The following PLEK2 variants were observed in gnomAD, a reference collection of about 807,000 sequenced individuals.
PLEK2 encodes pleckstrin 2, also known as pleckstrin-2.
PLEK2 carries 29 observed loss-of-function variants against 43.8 expected under a neutral mutation model. The ratio of observed to expected loss-of-function variants is 0.66; its 90% CI spans 0.49 to 0.90. The LOEUF is 0.90. Among genes scored for constraint, PLEK2 ranks in the 40% least tolerant of loss-of-function variants. The pLI is 0.00. For synonymous variants in PLEK2, 162 were observed against 173.2 expected, an observed-to-expected ratio of 0.94 and a Z score of 0.51; for missense variants, 398 against 448.1, an observed-to-expected ratio of 0.89 and a Z score of 1.01.
At chr14:67,402,978 T>A (rs1459378162) in intron 1 of PLEK2, among the ~76,000 whole-genome samples, 2 of 152,200 alleles carry the variant, frequency 1.3e-5, no homozygotes, top group Non-Finnish European at 2.9e-5. Context: ...CTATTTATAT[T>A]TTTTTGAGGA....
intron 1 of PLEK2, among the ~76,000 whole-genome samples, chr14:67,398,634 A>C (rs1052634346): frequency 2.6e-5 from 4 of 151,072 alleles, no homozygotes; most frequent in Admixed American, 2.0e-4. Context: ...CACCTAAACG[A>C]CCCTTCTCTT....
At chr14:67,408,359 A>AAAATAAAATAAAATAAAATAAAATAAAAT (rs1566632508) in intron 1 of PLEK2, among the ~76,000 whole-genome samples, 21 of 134,052 alleles carry the variant, frequency 1.6e-4, no homozygotes, top group African/African-American at 5.9e-4. Context: ...TAAAATAAAA[A>AAAATAAAATAAAATAAAATAAAATAAAAT]AAGAAAAAAC....
At chr14:67,411,425 C>T (rs1006983063) in intron 1 of PLEK2, among the ~76,000 whole-genome samples, 1 of 152,020 alleles carries the variant, frequency 6.6e-6, no homozygotes, top group Non-Finnish European at 1.5e-5. Context: ...CAGTACCCAC[C>T]GTGTATGGCA....
In PLEK2 at chr14:67,390,671, G is replaced by C. The variant is rs1428986406; in HGVS notation, c.847C>G (p.Pro283Ala). The C allele has an allele frequency of 6.2e-6, 10 of 1,609,844 alleles. No individual in the cohort carries two copies. The highest frequency in any genetic ancestry group is 8.5e-6 in the Non-Finnish European group (10 of 1,176,224). ...CCAGCATGCGCACTCACTTTGGAAG[G>C]GTCATAGTAATGCAGGAAAGCTGGA... ...KDPAFLHYYD[P>A]SKEENRPVGG... Residue 283 changes from proline to alanine, a missense_variant, in exon 7 of 9, where the codon CCT becomes GCT. Transcript: ENST00000216446.
At chr14:67,393,601 T>A (rs2085985537) in intron 3 of PLEK2, among the ~76,000 whole-genome samples, 1 of 151,932 alleles carries the variant, frequency 6.6e-6, no homozygotes, top group African/African-American at 2.4e-5. Context: ...TTACAGACAT[T>A]TGCCACCACA....
At chr14:67,391,297 G>T (rs2085966058) in intron 6 of PLEK2, among the ~76,000 whole-genome samples, 2 of 151,302 alleles carry the variant, frequency 1.3e-5, no homozygotes, top group South Asian at 4.2e-4. Context: ...GTGTGTGTGT[G>T]TGTGTGTGAC....
chr14:67,398,273 G>A (rs2086025273), intron 1 of PLEK2, among the ~76,000 whole-genome samples: 3 of 152,044 alleles, frequency 2.0e-5, no homozygotes, highest in Admixed American at 2.0e-4. Context: ...GAGACAGGCT[G>A]GAGTACAGTG....
Position 67,395,538 on chromosome 14 carries a change from C to G in PLEK2, c.253G>C (p.Glu85Gln), listed in dbSNP as rs754204859. Residue 85 changes from glutamate to glutamine, a missense_variant, in exon 3 of 9, where the codon GAG (glutamate) becomes CAG (glutamine). Coordinates refer to ENST00000216446, the MANE Select transcript of PLEK2 (RefSeq NM_016445.3). ...TCCCGCTCCTCTCGAGAACAGGCCT[C>G]CAGGAAGTACTCCGTGGATGTTTGA... ...KTQTSTEYFL[E>Q]ACSREERDAW... 2 of 1,614,028 alleles carry G rather than the reference C, an allele frequency of 1.2e-6. No homozygotes were observed. Among genetic ancestry groups the G allele is most frequent in the Admixed American group, 3.3e-5 (2 of 59,998 alleles).
intron 1 of PLEK2, among the ~76,000 whole-genome samples, chr14:67,404,403 G>A (rs1196035300): frequency 6.6e-6 from 1 of 151,590 alleles, no homozygotes; most frequent in Non-Finnish European, 1.5e-5. Flanking sequence ...CAGGAGGATT[G>A]CCCACGCCTA....
chr14:67,396,697 A>G (rs1173198690), intron 2 of PLEK2, among the ~76,000 whole-genome samples: 1 of 152,218 alleles, frequency 6.6e-6, no homozygotes, highest in Non-Finnish European at 1.5e-5. Context: ...CCACATCTCT[A>G]TTCCTGAAGC....
chr14:67,389,594 A>G (rs553101989), intron 7 of PLEK2, among the ~76,000 whole-genome samples: 1 of 152,188 alleles, frequency 6.6e-6, no homozygotes, highest in Non-Finnish European at 1.5e-5. Context: ...ATATATGTAT[A>G]TATGTATATT....
rs764473995 is a variant in PLEK2 at position 67,390,696 on chromosome 14, A to G, written c.822T>C (p.Asp274=). ...GGTCATAGTAATGCAGGAAAGCTGG[A>G]TCCTTCCTTAGAACAAAGCGACGCA... The part of the protein sequence containing the change: ...WKVRRFVLRK[D]PAFLHYYDPS... The change falls in exon 7 of 9, where the codon GAT becomes GAC. Residue 274 remains aspartate (D), a synonymous_variant. Coordinates refer to ENST00000216446, the MANE Select transcript of PLEK2 (RefSeq NM_016445.3). 18 of 1,613,704 alleles carry G rather than the reference A, an allele frequency of 1.1e-5. No individual in the cohort carries two copies. Among genetic ancestry groups the G allele is most frequent in the Non-Finnish European group, 1.4e-5 (16 of 1,179,740 alleles).
intron 1 of PLEK2, among the ~76,000 whole-genome samples, chr14:67,402,569 C>T (rs1211092412): frequency 6.6e-6 from 1 of 152,160 alleles, no homozygotes; most frequent in African/African-American, 2.4e-5. Context: ...CCCATCTCCC[C>T]GGCAGCCCCT....
chr14:67,399,366 A>G (rs1408519781), intron 1 of PLEK2, among the ~76,000 whole-genome samples: 1 of 147,846 alleles, frequency 6.8e-6, no homozygotes, highest in Non-Finnish European at 1.5e-5. Flanking sequence ...GGTGGTTCTC[A>G]GGTGGCAGGA....
Position 67,390,707 on chromosome 14 carries a change from G to A in PLEK2, c.811C>T (p.Leu271=), listed in dbSNP as rs1446217692. ...TGCAGGAAAGCTGGATCCTTCCTTA[G>A]AACAAAGCGACGCACCTTCCAGTTT... ...RKNWKVRRFV[L]RKDPAFLHYY... is the part of the protein sequence containing the mutation. Residue 271 remains leucine, a synonymous_variant, in exon 7 of 9, where the codon CTA becomes TTA. Coordinates refer to ENST00000216446, the MANE Select transcript of PLEK2 (RefSeq NM_016445.3). 1.9e-6 allele frequency: 3 copies of A among 1,613,790 alleles called. No homozygotes were observed. The highest frequency in any genetic ancestry group is 2.2e-5 in the East Asian group (1 of 44,882).
chr14:67,396,614 A>C (rs1299698673), intron 2 of PLEK2, among the ~76,000 whole-genome samples: 4 of 152,170 alleles, frequency 2.6e-5, no homozygotes, highest in Non-Finnish European at 5.9e-5. Flanking sequence ...CTCTGCATGC[A>C]TTCTCTTCTT....
In PLEK2 at chr14:67,392,745, C is replaced by A; in HGVS notation, c.586G>T (p.Val196Leu). 1 of 1,614,192 alleles carries A rather than the reference C, an allele frequency of 6.2e-7. No homozygotes were observed. The highest frequency in any genetic ancestry group is 8.5e-7 in the Non-Finnish European group (1 of 1,179,994). Reference protein sequence around the residue: ...MLMEENFLRPVGVRSMGAIRS... With the variant: ...MLMEENFLRPLGVRSMGAIRS... Reference sequence around the variant, plus strand: ...ATGGCTCCCATGCTTCGGACACCCACAGGCCTGAGGAAGTTCTCCTCCATG... The same window carrying A: ...ATGGCTCCCATGCTTCGGACACCCAAAGGCCTGAGGAAGTTCTCCTCCATG... The change falls in exon 5 of 9, where the codon GTG (valine) becomes TTG (leucine). Residue 196 changes from valine to leucine, a missense_variant. Val to Leu is a conservative substitution (Grantham distance 32). Coordinates refer to ENST00000216446, the MANE Select transcript of PLEK2 (RefSeq NM_016445.3).
At chr14:67,407,342 C>T (rs1026901041) in intron 1 of PLEK2, among the ~76,000 whole-genome samples, 3 of 151,884 alleles carry the variant, frequency 2.0e-5, no homozygotes, top group East Asian at 3.9e-4. Context: ...AGGCTGGTCT[C>T]GAACTCCTGA....
intron 3 of PLEK2, among the ~76,000 whole-genome samples, chr14:67,393,457 TTTTG>T (rs2085984172): frequency 1.3e-5 from 2 of 152,034 alleles, no homozygotes; most frequent in Admixed American, 1.3e-4. Context: ...TGTTGTTGTT[TTTTG>T]TTTGTTTTTT....
Sources: gnomAD v4.1 joint callset for allele counts (sites outside exome capture counted in the v4.1 genomes callset) on GRCh38, gnomAD v4.1.1 for gene constraint, MANE v1.5 for transcripts, NCBI Gene and HGNC (gene_info 2026-07-23, HGNC 2026-07-21) for gene names.